Variants in SAMHD1 observed in about 807,000 individuals in gnomAD.
SAMHD1 encodes SAM and HD domain containing deoxynucleoside triphosphate triphosphohydrolase 1.
SAMHD1 carries 54 observed loss-of-function variants against 79.6 expected under a neutral mutation model. That is an observed-to-expected ratio of 0.68 (90% CI 0.55 to 0.85). SAMHD1 has a LOEUF of 0.85. Ranked by LOEUF, SAMHD1 falls within the 40% of genes least tolerant of loss-of-function variation. The pLI is 0.00. For synonymous variants in SAMHD1, 260 were observed against 264.1 expected (o/e 0.98, Z 0.15); for missense variants, 663 against 782.7 (o/e 0.85, Z 1.82).
chr20:36,913,459 C>T (rs1372972198), intron 9 of SAMHD1, among the ~76,000 whole-genome samples: 8 of 151,416 alleles, frequency 5.3e-5, no homozygotes, highest in East Asian at 2.0e-4. Flanking sequence ...AAAAATTAGC[C>T]GGGCATGATG....
intron 1 of SAMHD1, among the ~76,000 whole-genome samples, chr20:36,949,527 C>A (rs1215499673): frequency 6.6e-6 from 1 of 150,524 alleles, no homozygotes; most frequent in African/African-American, 2.4e-5. Flanking sequence ...GAGGCTGAGG[C>A]AGGCGGATCA....
intron 9 of SAMHD1, among the ~76,000 whole-genome samples, chr20:36,912,777 T>TTTTA: frequency 7.0e-6 from 1 of 142,168 alleles, no homozygotes; most frequent in Non-Finnish European, 1.5e-5. Flanking sequence ...TTTTTTTTTT[T>TTTTA]AAAAGATGAG....
intron 5 of SAMHD1, among the ~76,000 whole-genome samples, chr20:36,927,982 A>ATG (rs2063546487): frequency 1.3e-5 from 2 of 152,320 alleles, no homozygotes; most frequent in African/African-American, 4.8e-5. Context: ...ATGCACCACC[A>ATG]CACAGGGCTT....
Position 36,898,461 on chromosome 20 carries a change from T to A in SAMHD1, c.1587A>T (p.Ala529=). Reference sequence around the variant, plus strand: ...TTACCTGGTTTTTAGTAATCCTGATTGCTCTGTTGGGGGCAGTCTTACAAT... The same window carrying A: ...TTACCTGGTTTTTAGTAATCCTGATAGCTCTGTTGGGGGCAGTCTTACAAT... ...SFYCKTAPNR[A]IRITKNQVSQ... The change falls in exon 14 of 16, where the codon GCA becomes GCT. Residue 529 remains alanine, a synonymous_variant. Transcript: ENST00000646673. The A allele has an allele frequency of 6.2e-7, 1 of 1,613,646 alleles. No homozygotes were observed. Among genetic ancestry groups the A allele is most frequent in the Non-Finnish European group, 8.5e-7 (1 of 1,179,568 alleles).
At chr20:36,918,830 A>G (rs2063490109) in intron 7 of SAMHD1, among the ~76,000 whole-genome samples, 1 of 150,188 alleles carries the variant, frequency 6.7e-6, no homozygotes, top group African/African-American at 2.4e-5. Context: ...AAAAAGAAAG[A>G]AAGAAAGAAA....
chr20:36,935,861 G>A (rs1020594303), intron 3 of SAMHD1, among the ~76,000 whole-genome samples: 1 of 151,812 alleles, frequency 6.6e-6, no homozygotes, highest in Non-Finnish European at 1.5e-5. Context: ...GTGAGCCACC[G>A]TGCCCGGCCT....
intron 3 of SAMHD1, chr20:36,935,466 C>T (rs1454763348): frequency 4.7e-6 from 2 of 427,726 alleles, no homozygotes; most frequent in Non-Finnish European, 8.6e-6. Context: ...ATGACTTAGT[C>T]TTTAATAAGT....
chr20:36,914,305 C>G (rs1601127606), intron 9 of SAMHD1, among the ~76,000 whole-genome samples: 1 of 152,054 alleles, frequency 6.6e-6, no homozygotes, highest in Non-Finnish European at 1.5e-5. Context: ...TGATCTACTT[C>G]CACTTAATGA....
At chr20:36,946,658 A>T (rs2063688401) in intron 2 of SAMHD1, 80 bp downstream of exon 2, 1 of 1,015,002 alleles carries the variant, frequency 9.9e-7, no homozygotes, top group African/African-American at 1.6e-5. Flanking sequence ...GACAGTTTAT[A>T]TCAGAGATTT....
chr20:36,898,917 A>G (rs1395367008), intron 13 of SAMHD1, among the ~76,000 whole-genome samples: 6 of 150,244 alleles, frequency 4.0e-5, no homozygotes, highest in Non-Finnish European at 7.4e-5. Flanking sequence ...ACTCAAAAAA[A>G]AAAAAAAAAA....
chr20:36,907,009 C>T (rs1270112730), intron 11 of SAMHD1, among the ~76,000 whole-genome samples: 2 of 151,686 alleles, frequency 1.3e-5, no homozygotes, highest in Non-Finnish European at 2.9e-5. Flanking sequence ...CCAGGCTGGT[C>T]TCGAACTCCT....
chr20:36,894,596 G>A (rs1048391460), intron 15 of SAMHD1, among the ~76,000 whole-genome samples: 2 of 151,408 alleles, frequency 1.3e-5, no homozygotes, highest in Non-Finnish European at 2.9e-5. Context: ...GTGAGACCCC[G>A]TCTTTACTAA....
intron 15 of SAMHD1, among the ~76,000 whole-genome samples, chr20:36,896,169 TC>T (rs1990193899): frequency 6.6e-6 from 1 of 151,960 alleles, no homozygotes; most frequent in African/African-American, 2.4e-5. Context: ...AGACGGGGTT[TC>T]ACAGTATTAG....
In SAMHD1 at chr20:36,941,097, C is replaced by T. The variant is rs758586131; in HGVS notation, c.290G>A (p.Arg97Lys). The T allele has an allele frequency of 1.6e-5, 25 of 1,612,524 alleles. No homozygotes were observed. Among genetic ancestry groups the T allele is most frequent in the Non-Finnish European group, 1.9e-5 (22 of 1,178,920 alleles). Reference sequence around the variant, plus strand: ...CTGGATATAACTAAGCAGCTTCTTCCTCTCCCCCAAGGAACTAAAATTACA... The same window carrying T: ...CTGGATATAACTAAGCAGCTTCTTCTTCTCCCCCAAGGAACTAAAATTACA... The part of the protein sequence containing the change: ...ENLGVSSLGE[R>K]KKLLSYIQRL... Residue 97 changes from arginine (R) to lysine (K), a missense_variant, in exon 3 of 16, where the codon AGG becomes AAG. Transcript: ENST00000646673.
intron 1 of SAMHD1, among the ~76,000 whole-genome samples, chr20:36,948,169 C>T (rs1283393473): frequency 6.6e-6 from 1 of 151,960 alleles, no homozygotes; most frequent in Non-Finnish European, 1.5e-5. Context: ...TCTTGTGAGG[C>T]TGTATTCCAT....
downstream of SAMHD1, chr20:36,889,849 A>G (rs1990016316): frequency 6.5e-6 from 1 of 152,950 alleles, no homozygotes; most frequent in Non-Finnish European, 1.5e-5. Context: ...ATTGCCTAAA[A>G]TTCAACCCCC....
rs1022412583 is a variant in SAMHD1, at chr20:36,906,318, G to A, written c.1271-815C>T. Among the ~76,000 whole-genome samples, 3 of 151,856 alleles carry A rather than the reference G, an allele frequency of 2.0e-5. No individual in the cohort carries two copies. The South Asian group carries it at 6.2e-4, about 32-fold the overall frequency. On this transcript the variant is annotated intron_variant, in intron 11 of 15. Coordinates refer to ENST00000646673, the MANE Select transcript of SAMHD1 (RefSeq NM_015474.4). ...CCGGGCATGGCGGTGCATGCCTGTG[G>A]TCCCAACTACTCAGGAGGTTGAGGC...
chr20:36,901,053 A>G (rs967867525), intron 13 of SAMHD1, among the ~76,000 whole-genome samples: 1 of 152,198 alleles, frequency 6.6e-6, no homozygotes, highest in African/African-American at 2.4e-5. Context: ...ATAAAAACAT[A>G]AAGGAAAAAA....
At chr20:36,931,856 A>C (rs2063569828) in intron 4 of SAMHD1, among the ~76,000 whole-genome samples, 1 of 152,180 alleles carries the variant, frequency 6.6e-6, no homozygotes, top group Non-Finnish European at 1.5e-5. Flanking sequence ...AAAGGAAAGA[A>C]ATACTGACAC....
Sources: gnomAD v4.1 joint callset for allele counts (sites outside exome capture counted in the v4.1 genomes callset) on GRCh38, gnomAD v4.1.1 for gene constraint, MANE v1.5 for transcripts, NCBI Gene and HGNC (gene_info 2026-07-23, HGNC 2026-07-21) for gene names.